DLG5: variants seen among roughly 807,000 people sequenced by gnomAD.
DLG5 encodes discs large MAGUK scaffold protein 5, also known as disks large homolog 5.
In DLG5, 48 loss-of-function variants were observed where a neutral mutation model predicts 189.8. The observed-to-expected ratio is 0.25, with a 90% CI of 0.20 to 0.32. DLG5 has a LOEUF of 0.32. DLG5 is among the 10% of genes least tolerant of loss of function. DLG5 has a pLI of 1.00. For synonymous variants in DLG5, 1,016 were observed against 1,054.1 expected (o/e 0.96, Z 0.70); for missense variants, 2,160 against 2,544.7 (o/e 0.85, Z 3.25).
Position 77,838,472 on chromosome 10 carries a change from A to G in DLG5, c.1438-2550T>C, listed in dbSNP as rs187880018. Among the ~76,000 whole-genome samples the G allele has an allele frequency of 1.2e-4, 19 of 152,214 alleles. No homozygotes were observed. The East Asian group carries it at 2.1e-3, about 17-fold the overall frequency. The stretch of plus-strand genomic sequence containing the variant: ...CTCTCCCCTGGGAGCTGGGAAGAAG[A>G]AGGCGAGGGAGGCAAGGGCACAGCC... On this transcript the variant is annotated intron_variant, in intron 7 of 31. Transcript: ENST00000372391.
At chr10:77,840,811 C>T (rs1386207020) in intron 7 of DLG5, among the ~76,000 whole-genome samples, 1 of 152,202 alleles carries the variant, frequency 6.6e-6, no homozygotes, top group South Asian at 2.1e-4. Flanking sequence ...GTGTCTCATG[C>T]ATTCCCCACA....
chr10:77,883,329 C>T (rs1564573740), intron 1 of DLG5, among the ~76,000 whole-genome samples: 1 of 152,032 alleles, frequency 6.6e-6, no homozygotes, highest in South Asian at 2.1e-4. Context: ...TGGGGCATCC[C>T]AGAAGGTGAC....
Position 77,807,728 on chromosome 10 carries a change from A to C in DLG5, c.4796+68T>G, listed in dbSNP as rs923526239. 9.0e-6 allele frequency: 14 copies of C among 1,549,072 alleles called. No homozygotes were observed. In the African/African-American group the frequency reaches 1.9e-4, roughly 21 times the overall value. On this transcript the variant is annotated intron_variant, in intron 25 of 31. Coordinates refer to ENST00000372391, the MANE Select transcript of DLG5 (RefSeq NM_004747.4). ...AAGAAACAGAGAGCCATTCACCAGG[A>C]AAAGAGTCTCCAGTGAAAGCCTCTC...
chr10:77,879,956 C>T (rs1404841339), intron 1 of DLG5, among the ~76,000 whole-genome samples: 1 of 152,056 alleles, frequency 6.6e-6, no homozygotes, highest in African/African-American at 2.4e-5. Context: ...GAGATGTAAT[C>T]TGAGAATTGT....
At chr10:77,916,983 T>C in intron 1 of DLG5, among the ~76,000 whole-genome samples, 1 of 150,230 alleles carries the variant, frequency 6.7e-6, no homozygotes, top group Non-Finnish European at 1.5e-5. Flanking sequence ...TGGATGAACC[T>C]TGAGGACTTT....
Position 77,920,251 on chromosome 10 carries a change from G to T in DLG5, c.304+5966C>A, listed in dbSNP as rs867727098. Among the ~76,000 whole-genome samples the T allele has an allele frequency of 2.0e-5, 3 of 152,156 alleles. No homozygotes were observed. The South Asian group carries it at 6.2e-4, about 31-fold the overall frequency. On this transcript the variant is annotated intron_variant, in intron 1 of 31. Coordinates refer to ENST00000372391, the MANE Select transcript of DLG5 (RefSeq NM_004747.4). Reference sequence around the variant, plus strand: ...TTTTCCTACCATGGATTGTCAAATAGCACAGTGAAGTAGTTAGTGTTTTAA... The same window carrying T: ...TTTTCCTACCATGGATTGTCAAATATCACAGTGAAGTAGTTAGTGTTTTAA...
intron 20 of DLG5, among the ~76,000 whole-genome samples, chr10:77,813,613 C>G (rs1193633764): frequency 1.3e-5 from 2 of 152,178 alleles, no homozygotes; most frequent in Non-Finnish European, 2.9e-5. Context: ...GAGCCCTCAG[C>G]ACACAGCCAC....
Position 77,816,580 on chromosome 10 carries a change from G to A in DLG5, c.3996C>T (p.Pro1332=), listed in dbSNP as rs759809006. 219 of 1,614,144 alleles carry A rather than the reference G, an allele frequency of 1.4e-4. No individual in the cohort carries two copies. The highest frequency in any genetic ancestry group is 1.7e-4 in the Non-Finnish European group (196 of 1,180,008). Residue 1332 remains proline (P), a synonymous_variant, in exon 20 of 32, where the codon CCC becomes CCT. Transcript: ENST00000372391. ...CCTTTCTCCGCTCCCCGAGGGACGC[G>A]GGGTTGACAGCGATTCTGGGCAATG... ...ASTLPRIAVN[P]ASLGERRKDR...
intron 5 of DLG5, among the ~76,000 whole-genome samples, chr10:77,849,673 G>C (rs972931583): frequency 6.6e-6 from 1 of 152,352 alleles, no homozygotes; most frequent in Middle Eastern, 3.4e-3. Context: ...AAGGAGAGCA[G>C]GGAATGGGCT....
chr10:77,858,308 A>T (rs1892388), intron 2 of DLG5, among the ~76,000 whole-genome samples: 10,587 of 148,136 alleles, frequency 0.071, 573 homozygotes, highest in East Asian at 0.22. Context: ...AATATGTATT[A>T]AAAAAAAAAG....
intron 1 of DLG5, among the ~76,000 whole-genome samples, chr10:77,895,616 T>C (rs1419481409): frequency 1.3e-5 from 2 of 152,150 alleles, no homozygotes; most frequent in Admixed American, 1.3e-4. Context: ...CCCTCAGCTG[T>C]TCAGACCACA....
chr10:77,857,152 C>T (rs554051025), intron 2 of DLG5, among the ~76,000 whole-genome samples: 2 of 152,276 alleles, frequency 1.3e-5, no homozygotes, highest in Middle Eastern at 3.4e-3. Context: ...TGAAGACGCG[C>T]ACTCTCTCCC....
At chr10:77,892,751 T>C (rs987540196) in intron 1 of DLG5, among the ~76,000 whole-genome samples, 1 of 152,206 alleles carries the variant, frequency 6.6e-6, no homozygotes, top group Non-Finnish European at 1.5e-5. Context: ...CAATAAAGGA[T>C]TGCTGAATTT....
intron 11 of DLG5, among the ~76,000 whole-genome samples, chr10:77,829,820 T>C (rs528433870): frequency 3.3e-4 from 50 of 152,234 alleles, no homozygotes; most frequent in Non-Finnish European, 5.4e-4. Flanking sequence ...CCTTGTAGGA[T>C]TGTAAAGATT....
At chr10:77,848,977 C>T (rs1843829109) in intron 5 of DLG5, among the ~76,000 whole-genome samples, 1 of 152,192 alleles carries the variant, frequency 6.6e-6, no homozygotes, top group Non-Finnish European at 1.5e-5. Context: ...CCAACCAAGC[C>T]TTGTCAGGGT....
chr10:77,846,666 C>A (rs1213464192), intron 5 of DLG5: 5 of 455,828 alleles, frequency 1.1e-5, no homozygotes, highest in Non-Finnish European at 2.2e-5. Flanking sequence ...CACTGCACCC[C>A]AGCCTTGGCG....
chr10:77,895,169 G>A (rs1476550432), intron 1 of DLG5, among the ~76,000 whole-genome samples: 2 of 152,118 alleles, frequency 1.3e-5, no homozygotes, highest in African/African-American at 4.8e-5. Flanking sequence ...TCAGCTGACA[G>A]ACCCTCACCC....
intron 20 of DLG5, among the ~76,000 whole-genome samples, chr10:77,814,234 A>G (rs572389436): frequency 3.1e-4 from 47 of 151,790 alleles, no homozygotes; most frequent in African/African-American, 1.1e-3. Flanking sequence ...CGTCTCAGCC[A>G]CCCAAAGTGC....
intron 1 of DLG5, among the ~76,000 whole-genome samples, chr10:77,870,133 G>A (rs1844840595): frequency 6.6e-6 from 1 of 152,126 alleles, no homozygotes. Context: ...CTGACTCAGA[G>A]ACTAAATTGG....
Sources: gnomAD v4.1 joint callset for allele counts (sites outside exome capture counted in the v4.1 genomes callset) on GRCh38, gnomAD v4.1.1 for gene constraint, MANE v1.5 for transcripts, NCBI Gene and HGNC (gene_info 2026-07-23, HGNC 2026-07-21) for gene names.